The following RFTN1 variants were observed in gnomAD, a reference collection of about 807,000 sequenced individuals.
The protein encoded by RFTN1 is raftlin.
In RFTN1, 26 loss-of-function variants were observed where a neutral mutation model predicts 46.5. The observed-to-expected ratio is 0.56, with a 90% CI of 0.41 to 0.78. RFTN1 has a LOEUF of 0.78. RFTN1 is among the 30% of genes least tolerant of loss of function. The probability of loss-of-function intolerance (pLI) is 0.00; values close to 1 mark genes in which losing one functional copy is unlikely to be tolerated. For missense variants in RFTN1, 693 were observed against 718.7 expected, an observed-to-expected ratio of 0.96 and a Z score of 0.41; for synonymous variants, 261 against 284.2, an observed-to-expected ratio of 0.92 and a Z score of 0.82.
In RFTN1 at chr3:16,409,405, G is replaced by T. The variant is rs760060772; in HGVS notation, c.411C>A (p.Asp137Glu). The change falls in exon 4 of 10, where the codon GAC becomes GAA. Residue 137 changes from aspartate (D) to glutamate (E), a missense_variant. Asp to Glu is a conservative substitution (Grantham distance 45). Transcript: ENST00000334133. ...TAATGAACTCTGGGATGAGTTTCTGGTCTGTCGGGTGGTCTAAGGAGGAAC... is the reference window on the plus strand; with the variant it reads ...TAATGAACTCTGGGATGAGTTTCTGTTCTGTCGGGTGGTCTAAGGAGGAAC... The part of the protein sequence containing the change: ...DCCSSLDHPT[D>E]QKLIPEFIKK... The T allele has an allele frequency of 6.2e-7, 1 of 1,613,172 alleles. No homozygotes were observed. The highest frequency in any genetic ancestry group is 1.1e-5 in the South Asian group (1 of 91,070).
chr3:16,443,176 T>C lies in RFTN1; in HGVS notation c.146-9139A>G, dbSNP rs2125515931. ...GTTTTCTATAATGGCTGTACTAGTT[T>C]ACATTCCCACCAACGGGGTGCAAGG... On this transcript the variant is annotated intron_variant, in intron 2 of 9. Coordinates refer to ENST00000334133, the MANE Select transcript of RFTN1 (RefSeq NM_015150.2). This position sits in a 1 kb window ranked among gnomAD's most constrained non-coding sequence, Gnocchi z 5.5. 6.6e-6 allele frequency among the ~76,000 whole-genome samples: 1 copy of C among 152,352 alleles called. No individual in the cohort carries two copies. Among genetic ancestry groups the C allele is most frequent in the African/African-American group, 2.4e-5 (1 of 41,592 alleles).
chr3:16,393,237 G>A (rs369072593), intron 4 of RFTN1, among the ~76,000 whole-genome samples: 41 of 152,276 alleles, frequency 2.7e-4, no homozygotes, highest in African/African-American at 8.9e-4. Context: ...AGATGGGTGG[G>A]AAGGTAGGTG....
intron 5 of RFTN1, among the ~76,000 whole-genome samples, chr3:16,373,681 G>A (rs911756184): frequency 1.3e-5 from 2 of 152,184 alleles, no homozygotes; most frequent in Non-Finnish European, 1.5e-5. Flanking sequence ...GTGAAAATCT[G>A]GGGCTCCAAG....
chr3:16,331,271 T>A (rs771067150), intron 7 of RFTN1, among the ~76,000 whole-genome samples: 1 of 152,260 alleles, frequency 6.6e-6, no homozygotes, highest in African/African-American at 2.4e-5. Context: ...AGGGTGTGCT[T>A]ATACTACTCT....
Position 16,316,563 on chromosome 3 carries a change from G to A in RFTN1, c.*265C>T. 2.0e-6 allele frequency: 1 copy of A among 501,608 alleles called. No individual in the cohort carries two copies. Among genetic ancestry groups the A allele is most frequent in the Non-Finnish European group, 3.6e-6 (1 of 278,750 alleles). The allele number at this position is 501,608 out of a possible 1,614,324, so 31.1% of individuals were successfully genotyped here. Reference sequence around the variant, plus strand: ...TGGAGGAGTGGTGGAGCCAGGACTGGGCCTTCAGCCATGAGGGCTAGAATA... The same window carrying A: ...TGGAGGAGTGGTGGAGCCAGGACTGAGCCTTCAGCCATGAGGGCTAGAATA... On this transcript the variant is annotated 3_prime_UTR_variant, in exon 10 of 10. Coordinates refer to ENST00000334133, the MANE Select transcript of RFTN1 (RefSeq NM_015150.2). This position sits in a 1 kb window ranked among gnomAD's most constrained non-coding sequence, Gnocchi z 4.5.
rs182080226 is a variant in RFTN1 at position 16,395,105 on chromosome 3, G to C, written c.441+14270C>G. ...ATACAATTTATATAATTTAAAATAT[G>C]CATGTGCAATTAAATTATTATAAGC... On this transcript the variant is annotated intron_variant, in intron 4 of 9. Coordinates refer to ENST00000334133, the MANE Select transcript of RFTN1 (RefSeq NM_015150.2). 1.1e-3 allele frequency among the ~76,000 whole-genome samples: 169 copies of C among 152,310 alleles called. 3 individuals carry two copies. The East Asian group carries it at 0.024, about 22-fold the overall frequency.
Position 16,341,754 on chromosome 3 carries a change from G to A in RFTN1, c.1147-14878C>T, listed in dbSNP as rs1230651866. Among the ~76,000 whole-genome samples the A allele has an allele frequency of 6.6e-6, 1 of 152,150 alleles. No individual in the cohort carries two copies. Among genetic ancestry groups the A allele is most frequent in the Non-Finnish European group, 1.5e-5 (1 of 68,028 alleles). ...AATAAATTAAAATTTTTCATAGATT[G>A]AAGTACTCTATGGCCATTACAAATA... On this transcript the variant is annotated intron_variant, in intron 7 of 9. Transcript: ENST00000334133. The surrounding 1 kb of genome is among the most constrained non-coding windows in gnomAD (Gnocchi z 4.7).
intron 4 of RFTN1, among the ~76,000 whole-genome samples, chr3:16,379,314 A>G (rs1307568605): frequency 9.2e-5 from 14 of 152,276 alleles, no homozygotes; most frequent in Non-Finnish European, 1.8e-4. Context: ...AGTTGCAAAC[A>G]TGCAGTCCAG....
At chr3:16,392,741 A>G (rs775513142) in intron 4 of RFTN1, among the ~76,000 whole-genome samples, 4 of 152,130 alleles carry the variant, frequency 2.6e-5, no homozygotes, top group Non-Finnish European at 4.4e-5. Context: ...AGCAAATTCC[A>G]TATTTGTAAA....
chr3:16,403,640 TAATA>T (rs1371640450), intron 4 of RFTN1, among the ~76,000 whole-genome samples: 1 of 47,192 alleles, frequency 2.1e-5, no homozygotes, highest in Non-Finnish European at 3.9e-5. Flanking sequence ...ATATAATATA[TAATA>T]TATATATAAT....
intron 1 of RFTN1, among the ~76,000 whole-genome samples, chr3:16,494,285 C>T (rs2076590031): frequency 6.6e-6 from 1 of 152,204 alleles, no homozygotes; most frequent in Non-Finnish European, 1.5e-5. Context: ...AGATGTGTCA[C>T]CTTCACTGTG....
chr3:16,426,250 A>G lies in RFTN1; in HGVS notation c.332+7601T>C, dbSNP rs930836747. Among the ~76,000 whole-genome samples, 2 of 152,158 alleles carry G rather than the reference A, an allele frequency of 1.3e-5. No individual in the cohort carries two copies. Among genetic ancestry groups the G allele is most frequent in the African/African-American group, 4.8e-5 (2 of 41,434 alleles). On this transcript the variant is annotated intron_variant, in intron 3 of 9. Transcript: ENST00000334133. The surrounding 1 kb of genome is among the most constrained non-coding windows in gnomAD (Gnocchi z 5.9). The stretch of plus-strand genomic sequence containing the variant: ...AACATTTTCTAGGGCACACCCCAGT[A>G]GGCGCTACCACCCCCTGTGTATTTC...
chr3:16,326,897 T>G, intron 7 of RFTN1, 21 bp from the exon 8 acceptor site: 4 of 1,589,336 alleles, frequency 2.5e-6, no homozygotes, highest in African/African-American at 1.3e-5. Flanking sequence ...AAGGCCAGCA[T>G]TAGGGCTGCT....
Position 16,473,107 on chromosome 3 carries a change from A to T in RFTN1, c.145+20618T>A, listed in dbSNP as rs2076224743. Among the ~76,000 whole-genome samples, 1 of 152,230 alleles carries T rather than the reference A, an allele frequency of 6.6e-6. No homozygotes were observed. The highest frequency in any genetic ancestry group is 2.1e-4 in the South Asian group (1 of 4,832). On this transcript the variant is annotated intron_variant, in intron 2 of 9. Coordinates refer to ENST00000334133, the MANE Select transcript of RFTN1 (RefSeq NM_015150.2). The surrounding 1 kb of genome is among the most constrained non-coding windows in gnomAD (Gnocchi z 5.3). The stretch of plus-strand genomic sequence containing the variant: ...AGATTTTCTGAGGAAGTGACTTTGG[A>T]CAACCATGGTGTACACACACGTACA...
At position 16,385,794 on chromosome 3, in the gene RFTN1, T is replaced by TC. The variant is rs1189530692; in HGVS notation, c.442-7693dup. On this transcript the variant is annotated intron_variant, in intron 4 of 9. Transcript: ENST00000334133. The surrounding 1 kb of genome is among the most constrained non-coding windows in gnomAD (Gnocchi z 5.0). The stretch of plus-strand genomic sequence containing the variant: ...TCCTTGGCCCAGAACATCCCAATCT[T>TC]CCTCAGTGTATGCCCATCAGCAGAA... 6.6e-6 allele frequency among the ~76,000 whole-genome samples: 1 copy of TC among 152,114 alleles called. No individual in the cohort carries two copies. The highest frequency in any genetic ancestry group is 1.9e-4 in the East Asian group (1 of 5,188).
At chr3:16,364,280 T>C (rs2073015057) in intron 6 of RFTN1, among the ~76,000 whole-genome samples, 1 of 152,230 alleles carries the variant, frequency 6.6e-6, no homozygotes, top group Non-Finnish European at 1.5e-5. Flanking sequence ...CATTGAATCC[T>C]CCCCAAAATT....
rs576645778 is a variant in RFTN1 at position 16,477,808 on chromosome 3, T to A, written c.145+15917A>T. On this transcript the variant is annotated intron_variant, in intron 2 of 9. Transcript: ENST00000334133. ...TGTCACAAATCTTGACTTTCACAGCTGAAAGCCAGGCTTAGCCACTTACAA... is the reference window on the plus strand; with the variant it reads ...TGTCACAAATCTTGACTTTCACAGCAGAAAGCCAGGCTTAGCCACTTACAA... 4.5e-4 allele frequency among the ~76,000 whole-genome samples: 69 copies of A among 152,350 alleles called. 4 individuals carry two copies. In the South Asian group the frequency reaches 5.2e-3, roughly 11 times the overall value.
At position 16,376,182 on chromosome 3, in the gene RFTN1, A is replaced by G. The variant is rs1049754835; in HGVS notation, c.826+1536T>C. ...CGAGTGTCAGGACTACTGAGCCTGTACCCCAATAATAGCAGCTCATACTCA... is the reference window on the plus strand; with the variant it reads ...CGAGTGTCAGGACTACTGAGCCTGTGCCCCAATAATAGCAGCTCATACTCA... On this transcript the variant is annotated intron_variant, in intron 5 of 9. Coordinates refer to ENST00000334133, the MANE Select transcript of RFTN1 (RefSeq NM_015150.2). The surrounding 1 kb of genome is among the most constrained non-coding windows in gnomAD (Gnocchi z 4.7). 3.9e-5 allele frequency among the ~76,000 whole-genome samples: 6 copies of G among 152,116 alleles called. No homozygotes were observed. Among genetic ancestry groups the G allele is most frequent in the Non-Finnish European group, 8.8e-5 (6 of 68,012 alleles).
chr3:16,321,649 G>T lies in RFTN1; in HGVS notation c.1332+1727C>A, dbSNP rs1261924409. Among the ~76,000 whole-genome samples, 3 of 151,988 alleles carry T rather than the reference G, an allele frequency of 2.0e-5. No homozygotes were observed. Among genetic ancestry groups the T allele is most frequent in the East Asian group, 1.9e-4 (1 of 5,186 alleles). ...CCAGAGGGTCTTGTGTAGAACAAGT[G>T]CTCCACACCAGTCACCTACAGTCTT... On this transcript the variant is annotated intron_variant, in intron 9 of 9. Coordinates refer to ENST00000334133, the MANE Select transcript of RFTN1 (RefSeq NM_015150.2). This position sits in a 1 kb window ranked among gnomAD's most constrained non-coding sequence, Gnocchi z 4.8.
Sources: gnomAD v4.1 joint callset for allele counts (sites outside exome capture counted in the v4.1 genomes callset) on GRCh38, gnomAD v4.1.1 for gene constraint, Gnocchi (gnomAD v3.1) non-coding constraint, MANE v1.5 for transcripts, NCBI Gene and HGNC (gene_info 2026-07-23, HGNC 2026-07-21) for gene names.